The following PDE8A variants were observed in gnomAD, a reference collection of about 807,000 sequenced individuals.
The protein encoded by PDE8A is high affinity cAMP-specific and IBMX-insensitive 3',5'-cyclic phosphodiesterase 8A.
PDE8A carries 59 observed loss-of-function variants against 105.0 expected under a neutral mutation model. That is an observed-to-expected ratio of 0.56 (90% CI 0.46 to 0.70). The LOEUF (loss-of-function observed/expected upper bound fraction) is 0.70, where lower values mean the gene tolerates loss of function less well. PDE8A is among the 30% of genes least tolerant of loss of function. PDE8A has a pLI of 0.00. For synonymous variants in PDE8A, 355 were observed against 371.9 expected, an observed-to-expected ratio of 0.95 and a Z score of 0.52; for missense variants, 1,014 against 1,045.9, an observed-to-expected ratio of 0.97 and a Z score of 0.42.
At chr15:85,073,730 C>T (rs962329453) in intron 3 of PDE8A, among the ~76,000 whole-genome samples, 1 of 152,220 alleles carries the variant, frequency 6.6e-6, no homozygotes, top group African/African-American at 2.4e-5. Context: ...GTGAGTCACG[C>T]CTTATTCCCT....
intron 16 of PDE8A, among the ~76,000 whole-genome samples, chr15:85,117,104 C>G (rs1237222179): frequency 6.6e-6 from 1 of 152,216 alleles, no homozygotes; most frequent in Admixed American, 6.5e-5. Context: ...CTGGAAACCT[C>G]AGGGGAAATC....
intron 1 of PDE8A, among the ~76,000 whole-genome samples, chr15:85,027,895 T>G (rs1028197936): frequency 2.0e-5 from 3 of 152,246 alleles, no homozygotes; most frequent in Non-Finnish European, 2.9e-5. Flanking sequence ...TGCAGTACAC[T>G]GTTCTGAAAT....
upstream of PDE8A, chr15:84,980,541 A>G (rs2079689754): frequency 6.6e-6 from 1 of 152,388 alleles, no homozygotes; most frequent in Non-Finnish European, 1.5e-5. Context: ...AGCCGGCTGC[A>G]CCGCGCCAGG....
At chr15:85,035,512 G>A (rs2080691751) in intron 1 of PDE8A, among the ~76,000 whole-genome samples, 2 of 152,084 alleles carry the variant, frequency 1.3e-5, no homozygotes, top group South Asian at 4.2e-4. Flanking sequence ...GCCGGGCCCT[G>A]AGTATTAACT....
Position 85,064,389 on chromosome 15 carries a change from A to T in PDE8A, c.206A>T (p.Gln69Leu), listed in dbSNP as rs61734393. Residue 69 changes from glutamine to leucine, a missense_variant, in exon 2 of 22, where the codon CAG becomes CTG. By Grantham distance (113) the Gln-to-Leu change is moderately radical (BLOSUM62 -2). Coordinates refer to ENST00000394553, the MANE Select transcript of PDE8A (RefSeq NM_002605.3). ...SGKKVAVADV[Q>L]FGPMRFHQDQ... is the part of the protein sequence containing the mutation. Reference sequence around the variant, plus strand: ...TTACAGGTAGCAGTAGCTGATGTGCAGTTTGGCCCCATGAGATTTCATCAA... The same window carrying T: ...TTACAGGTAGCAGTAGCTGATGTGCTGTTTGGCCCCATGAGATTTCATCAA... 467 of 1,609,940 alleles carry T rather than the reference A, an allele frequency of 2.9e-4. 1 individual carries two copies. In the African/African-American group the frequency reaches 4.8e-3, roughly 16 times the overall value.
intron 21 of PDE8A, among the ~76,000 whole-genome samples, chr15:85,137,489 GCTTT>G (rs1253702873): frequency 2.6e-5 from 4 of 152,194 alleles, no homozygotes; most frequent in African/African-American, 9.7e-5. Flanking sequence ...ACTACATACT[GCTTT>G]CTGACACCCC....
chr15:85,032,780 CAAA>C (rs2080637208), intron 1 of PDE8A, among the ~76,000 whole-genome samples: 1 of 152,014 alleles, frequency 6.6e-6, no homozygotes, highest in South Asian at 2.1e-4. Flanking sequence ...TTTAAAAAAT[CAAA>C]GAATATGTGC....
intron 11 of PDE8A, among the ~76,000 whole-genome samples, chr15:85,106,946 T>C (rs7182533): frequency 0.26 from 39,646 of 152,006 alleles, 5,340 homozygotes; most frequent in East Asian, 0.38. Context: ...TCTATACACA[T>C]ATGCTTCTTC....
intron 11 of PDE8A, among the ~76,000 whole-genome samples, chr15:85,103,513 T>C (rs1673814180): frequency 1.3e-5 from 2 of 152,216 alleles, no homozygotes; most frequent in African/African-American, 4.8e-5. Context: ...GAAGGCAGGG[T>C]GGAGCTGTTA....
At chr15:85,125,290 C>T (rs1397952593) in intron 19 of PDE8A, among the ~76,000 whole-genome samples, 1 of 152,300 alleles carries the variant, frequency 6.6e-6, no homozygotes, top group African/African-American at 2.4e-5. Context: ...TGACTAACTC[C>T]TTTGGAATGT....
chr15:85,043,680 TTTTGTTTG>T (rs148058433), intron 1 of PDE8A, among the ~76,000 whole-genome samples: 82,291 of 150,062 alleles, frequency 0.55, 22,526 homozygotes, highest in East Asian at 0.57. Context: ...ATTAATGGTT[TTTTGTTTG>T]TTTGTTTGTT....
At chr15:85,069,217 TTAAAG>T (rs2081276768) in intron 3 of PDE8A, among the ~76,000 whole-genome samples, 1 of 152,204 alleles carries the variant, frequency 6.6e-6, no homozygotes, top group South Asian at 2.1e-4. Context: ...TTATATAGTT[TTAAAG>T]TAAAGAATGG....
intron 20 of PDE8A, among the ~76,000 whole-genome samples, chr15:85,130,499 C>G (rs1326640322): frequency 1.3e-5 from 2 of 152,024 alleles, no homozygotes; most frequent in African/African-American, 2.4e-5. Context: ...ATGTTGTATC[C>G]TGGAGAATGT....
chr15:85,105,686 G>A (rs1026818305), intron 11 of PDE8A, among the ~76,000 whole-genome samples: 17 of 152,204 alleles, frequency 1.1e-4, no homozygotes, highest in Admixed American at 5.2e-4. Context: ...GAAGCCAAGA[G>A]CAGAGACATG....
Position 85,076,762 on chromosome 15 carries a change from C to T in PDE8A, c.521C>T (p.Pro174Leu). Residue 174 changes from proline (P) to leucine (L), a missense_variant, in exon 5 of 22, where the codon CCT becomes CTT. Pro to Leu is a moderately conservative substitution (Grantham distance 98). Transcript: ENST00000394553. ...RVDREELSVMPFISAGFTRRY... is the reference protein window; with the variant it reads ...RVDREELSVMLFISAGFTRRY... ...GATAGAGAAGAGTTGTCCGTAATGC[C>T]TTTCATTTCTGCTGGATTTACAAGG... The T allele has an allele frequency of 1.9e-6, 3 of 1,595,082 alleles. No homozygotes were observed. The highest frequency in any genetic ancestry group is 2.6e-6 in the Non-Finnish European group (3 of 1,162,828).
rs148460919 is a variant in PDE8A, at chr15:85,138,795, C to G, written c.*892C>G. Reference sequence around the variant, plus strand: ...GTAAAACTAGACTCTCTTGTTGGTTCGCAAAGAAAAGTTAGGACTTAACAC... The same window carrying G: ...GTAAAACTAGACTCTCTTGTTGGTTGGCAAAGAAAAGTTAGGACTTAACAC... On this transcript the variant is annotated 3_prime_UTR_variant, in exon 22 of 22. Transcript: ENST00000394553. 3 of 152,104 alleles carry G rather than the reference C, an allele frequency of 2.0e-5. No individual in the cohort carries two copies. In the East Asian group the frequency reaches 5.8e-4, roughly 29 times the overall value. The allele number at this position is 152,104 out of a possible 1,614,324, so 9.4% of individuals were successfully genotyped here. A position where few individuals can be genotyped will look rare whatever the true frequency, so the allele number is the denominator to read the frequency against.
intron 1 of PDE8A, among the ~76,000 whole-genome samples, chr15:85,020,884 C>G (rs991203852): frequency 1.2e-4 from 18 of 152,234 alleles, no homozygotes; most frequent in Middle Eastern, 6.8e-3. Context: ...AATACTGTTA[C>G]CAAGATCATC....
intron 1 of PDE8A, among the ~76,000 whole-genome samples, chr15:85,014,213 A>G (rs1214383703): frequency 6.6e-6 from 1 of 151,718 alleles, no homozygotes; most frequent in Non-Finnish European, 1.5e-5. Context: ...GTGGCATGAT[A>G]ATAGCTTAAT....
intron 1 of PDE8A, among the ~76,000 whole-genome samples, chr15:85,033,487 A>G (rs140517383): frequency 3.9e-5 from 6 of 152,226 alleles, no homozygotes; most frequent in African/African-American, 1.4e-4. Context: ...GTGTGCATAT[A>G]TACACACAGG....
Sources: allele counts gnomAD v4.1 joint callset (sites outside exome capture counted in the v4.1 genomes callset), GRCh38; gene constraint gnomAD v4.1.1; transcripts MANE v1.5; gene names NCBI Gene and HGNC (gene_info 2026-07-23, HGNC 2026-07-21).